CNTN6: variants seen among roughly 807,000 people sequenced by gnomAD.
The protein encoded by CNTN6 is contactin 6, also known as contactin-6.
CNTN6 carries 137 observed loss-of-function variants against 122.8 expected under a neutral mutation model. The observed-to-expected ratio is 1.12, with a 90% CI of 0.97 to 1.29. The LOEUF (loss-of-function observed/expected upper bound fraction) is 1.29. CNTN6 is among the 50% of genes most tolerant of loss of function. The pLI is 0.00. For missense variants in CNTN6, 1,634 were observed against 1,223.4 expected, an observed-to-expected ratio of 1.34 and a Z score of -5.01; for synonymous variants, 570 against 426.0, an observed-to-expected ratio of 1.34 and a Z score of -4.16.
At chr3:1,269,442 T>C (rs1419880930) in intron 4 of CNTN6, among the ~76,000 whole-genome samples, 1 of 152,222 alleles carries the variant, frequency 6.6e-6, no homozygotes, top group Non-Finnish European at 1.5e-5. Context: ...CATCTCAATG[T>C]ATCCTATGCA....
At chr3:1,263,624 ATGTT>A (rs1279962668) in intron 4 of CNTN6, among the ~76,000 whole-genome samples, 2 of 152,104 alleles carry the variant, frequency 1.3e-5, no homozygotes, top group African/African-American at 4.8e-5. Flanking sequence ...ATTGTAGACT[ATGTT>A]TGTAGTATTT....
rs901834394 is a variant in CNTN6 at position 1,142,678 on chromosome 3, C to A, written c.-82-5249C>A. 5.3e-5 allele frequency among the ~76,000 whole-genome samples: 8 copies of A among 152,016 alleles called. No homozygotes were observed. In the East Asian group the frequency reaches 1.6e-3, roughly 29 times the overall value. On this transcript the variant is annotated intron_variant, in intron 1 of 22. Transcript: ENST00000446702. ...TCTCTGGAGCAACTATTCAGCCCTG[C>A]CTTTGTAGCACTAAAACAGCCATAG... is the stretch of plus-strand genomic sequence containing the variant.
chr3:1,210,974 C>T (rs1435502696), intron 2 of CNTN6, among the ~76,000 whole-genome samples: 1 of 152,222 alleles, frequency 6.6e-6, no homozygotes, highest in Non-Finnish European at 1.5e-5. Flanking sequence ...CCCCACCATT[C>T]AGTGTAAATG....
chr3:1,381,746 C>T (rs1691924998), intron 17 of CNTN6, among the ~76,000 whole-genome samples: 1 of 152,176 alleles, frequency 6.6e-6, no homozygotes, highest in African/African-American at 2.4e-5. Context: ...TCTATTGCCT[C>T]ACTGTTCCTG....
intron 1 of CNTN6, among the ~76,000 whole-genome samples, chr3:1,102,617 A>T (rs559867632): frequency 2.3e-4 from 34 of 149,600 alleles, no homozygotes; most frequent in East Asian, 4.0e-4. Flanking sequence ...AGTCCCAGCT[A>T]CTCGGGAGGC....
intron 2 of CNTN6, among the ~76,000 whole-genome samples, chr3:1,199,439 C>A (rs561198926): frequency 2.0e-5 from 3 of 152,164 alleles, no homozygotes; most frequent in Admixed American, 2.0e-4. Flanking sequence ...CTTGGCCCCC[C>A]AAAGTGCTGG....
chr3:1,177,196 T>C (rs537642837), intron 2 of CNTN6, among the ~76,000 whole-genome samples: 43 of 152,182 alleles, frequency 2.8e-4, no homozygotes, highest in Non-Finnish European at 5.0e-4. Context: ...AGCGAGAGAT[T>C]GCATAGTAAA....
chr3:1,244,227 G>A (rs1381836463), intron 4 of CNTN6, among the ~76,000 whole-genome samples: 1 of 152,096 alleles, frequency 6.6e-6, no homozygotes, highest in Non-Finnish European at 1.5e-5. Context: ...GGGAGAAGAA[G>A]GAGGAATGGA....
At chr3:1,110,406 T>C (rs1357447378) in intron 1 of CNTN6, among the ~76,000 whole-genome samples, 1 of 152,132 alleles carries the variant, frequency 6.6e-6, no homozygotes, top group Non-Finnish European at 1.5e-5. Context: ...AAATTGCCTC[T>C]TGACTTAGGA....
chr3:1,365,606 G>A (rs1282503700), intron 12 of CNTN6, among the ~76,000 whole-genome samples: 1 of 151,760 alleles, frequency 6.6e-6, no homozygotes, highest in African/African-American at 2.4e-5. Flanking sequence ...ATGTTACATG[G>A]ATTAAAAATA....
intron 4 of CNTN6, among the ~76,000 whole-genome samples, chr3:1,245,240 ACAC>A (rs1559596158): frequency 8.2e-5 from 1 of 12,170 alleles, no homozygotes; most frequent in Non-Finnish European, 1.5e-4. Flanking sequence ...ATATATACAC[ACAC>A]ACATATATAT....
Position 1,325,022 on chromosome 3 carries a change from T to C in CNTN6, c.947-793T>C, listed in dbSNP as rs960689427. Among the ~76,000 whole-genome samples the C allele has an allele frequency of 3.6e-5, 5 of 139,688 alleles. 1 individual carries two copies. Among genetic ancestry groups the C allele is most frequent in the African/African-American group, 6.6e-5 (2 of 30,112 alleles). The allele number at this position is 139,688 out of a possible 152,430, so 91.6% of individuals were successfully genotyped here. ...GAACTAAATAAAGGAGAGGGATTAATTGGCACCTCCAGGCAGTTTCCAGTC... is the reference window on the plus strand; with the variant it reads ...GAACTAAATAAAGGAGAGGGATTAACTGGCACCTCCAGGCAGTTTCCAGTC... On this transcript the variant is annotated intron_variant, in intron 8 of 22. Transcript: ENST00000446702.
chr3:1,209,643 T>G (rs1191162375), intron 2 of CNTN6, among the ~76,000 whole-genome samples: 2 of 149,736 alleles, frequency 1.3e-5, no homozygotes, highest in Non-Finnish European at 2.9e-5. Flanking sequence ...TTTATTACAA[T>G]TTAAAAGACA....
chr3:1,365,759 C>G (rs1708132494), intron 12 of CNTN6, among the ~76,000 whole-genome samples: 1 of 151,958 alleles, frequency 6.6e-6, no homozygotes, highest in African/African-American at 2.4e-5. Context: ...ATTCTCAGAG[C>G]TTTTAATATG....
At chr3:1,255,115 G>A (rs2094732121) in intron 4 of CNTN6, among the ~76,000 whole-genome samples, 1 of 152,124 alleles carries the variant, frequency 6.6e-6, no homozygotes, top group East Asian at 1.9e-4. Flanking sequence ...GGATCCAAGA[G>A]CAAGGGGATA....
At chr3:1,119,256 T>C (rs2091855117) in intron 1 of CNTN6, among the ~76,000 whole-genome samples, 1 of 150,818 alleles carries the variant, frequency 6.6e-6, no homozygotes, top group Non-Finnish European at 1.5e-5. Context: ...TATTTATTGA[T>C]GGTCTGATTT....
At chr3:1,189,042 AAAAACAAAAC>A (rs200979584) in intron 2 of CNTN6, among the ~76,000 whole-genome samples, 1,554 of 152,312 alleles carry the variant, frequency 0.01, 85 homozygotes, top group Admixed American at 0.081. Flanking sequence ...ATTTGCTGAT[AAAAACAAAAC>A]AAAACAAAAC....
chr3:1,352,200 A>C, intron 11 of CNTN6, 124 bp from the exon 12 acceptor site: 1 of 792,834 alleles, frequency 1.3e-6, no homozygotes. Context: ...ATAATAGGAA[A>C]GGAAAAAATT....
intron 2 of CNTN6, among the ~76,000 whole-genome samples, chr3:1,159,852 G>T (rs1384211982): frequency 6.6e-6 from 1 of 151,536 alleles, no homozygotes; most frequent in Non-Finnish European, 1.5e-5. Context: ...ACAAAGTCTT[G>T]CTCTGTCCCC....
Sources: gnomAD v4.1 joint callset for allele counts (sites outside exome capture counted in the v4.1 genomes callset) on GRCh38, gnomAD v4.1.1 for gene constraint, MANE v1.5 for transcripts, NCBI Gene and HGNC (gene_info 2026-07-23, HGNC 2026-07-21) for gene names.